The following SLC44A3 variants were observed in gnomAD, a reference collection of about 807,000 sequenced individuals.
The protein encoded by SLC44A3 is choline transporter-like protein 3.
SLC44A3 carries 74 observed loss-of-function variants against 75.4 expected under a neutral mutation model. That is an observed-to-expected ratio of 0.98 (90% CI 0.81 to 1.19). SLC44A3 has a LOEUF of 1.19. Ranked by LOEUF, SLC44A3 falls within the 50% of genes most tolerant of loss-of-function variation. The pLI is 0.00. For synonymous variants in SLC44A3, 310 were observed against 296.9 expected, an observed-to-expected ratio of 1.04 and a Z score of -0.45; for missense variants, 700 against 778.6, an observed-to-expected ratio of 0.90 and a Z score of 1.20.
chr1:94,869,600 T>C (rs561697620), intron 12 of SLC44A3, among the ~76,000 whole-genome samples: 1 of 152,232 alleles, frequency 6.6e-6, no homozygotes, highest in South Asian at 2.1e-4. Flanking sequence ...TTGATGTGAA[T>C]ATTAATGGAG....
At chr1:94,891,038 T>C in intron 12 of SLC44A3, 92 bp from the exon 13 acceptor site, 1 of 1,112,754 alleles carries the variant, frequency 9.0e-7, no homozygotes. Context: ...AGGTTTATTG[T>C]AACTCTAGTT....
At chr1:94,831,951 A>T (rs1245994502) in intron 5 of SLC44A3, among the ~76,000 whole-genome samples, 1 of 152,176 alleles carries the variant, frequency 6.6e-6, no homozygotes, top group Non-Finnish European at 1.5e-5. Context: ...AGGCGGGCAG[A>T]TCACCTGAGG....
At position 94,841,963 on chromosome 1, in the gene SLC44A3, C is replaced by A. The variant is rs373849711; in HGVS notation, c.761-37C>A. On this transcript the variant is annotated intron_variant, in intron 7 of 14. Transcript: ENST00000271227. ...GTGCTGGGGAAAGGTTACCTCATGG[C>A]GTGTGCCCTGAGCTCTGCTACTGTT... 9.4e-5 allele frequency: 149 copies of A among 1,577,478 alleles called. 1 individual carries two copies. The highest frequency in any genetic ancestry group is 1.5e-5 in the Non-Finnish European group (17 of 1,164,756).
In SLC44A3 at chr1:94,843,958, C is replaced by T. The variant is rs142316049; in HGVS notation, c.886-1320C>T. ...TAGAAGAAAGAGGCTGAGACTTGAGCTGTGGCATCAGCGGTGGAAACAGAG... is the reference window on the plus strand; with the variant it reads ...TAGAAGAAAGAGGCTGAGACTTGAGTTGTGGCATCAGCGGTGGAAACAGAG... On this transcript the variant is annotated intron_variant, in intron 8 of 14. Transcript: ENST00000271227. Among the ~76,000 whole-genome samples, 126 of 152,092 alleles carry T rather than the reference C, an allele frequency of 8.3e-4. 1 individual carries two copies. The highest frequency in any genetic ancestry group is 2.5e-3 in the African/African-American group (102 of 41,484).
At chr1:94,847,808 T>C (rs1320848854) in intron 9 of SLC44A3, among the ~76,000 whole-genome samples, 1 of 152,144 alleles carries the variant, frequency 6.6e-6, no homozygotes, top group East Asian at 1.9e-4. Context: ...GAGGAAGTCA[T>C]GTGCCGGAGG....
chr1:94,856,218 A>G (rs1225280904), intron 9 of SLC44A3, among the ~76,000 whole-genome samples: 1 of 152,206 alleles, frequency 6.6e-6, no homozygotes, highest in African/African-American at 2.4e-5. Flanking sequence ...CGATATGTCT[A>G]TGGGTTGGGC....
chr1:94,885,485 G>A (rs1669484810), intron 12 of SLC44A3, among the ~76,000 whole-genome samples: 1 of 152,170 alleles, frequency 6.6e-6, no homozygotes, highest in South Asian at 2.1e-4. Flanking sequence ...CTGGAATCCA[G>A]CCTCTTTCCA....
At chr1:94,827,060 A>G (rs933568608) in intron 3 of SLC44A3, among the ~76,000 whole-genome samples, 2 of 152,324 alleles carry the variant, frequency 1.3e-5, no homozygotes, top group Admixed American at 6.5e-5. Context: ...TTTGGTTCCC[A>G]GCCTTGGCCC....
In SLC44A3 at chr1:94,892,343, C is replaced by A; in HGVS notation, c.1683C>A (p.Phe561Leu). ...GLMAFNYNRA[F>L]QVWAVPLLLV... is the part of the protein sequence containing the mutation. ...TGGCTTTTAACTACAATCGGGCATT[C>A]CAGGTGTGGGCAGTCCCTCTGTTAT... Residue 561 changes from phenylalanine to leucine, a missense_variant, in exon 14 of 15, where the codon TTC (phenylalanine) becomes TTA (leucine). Coordinates refer to ENST00000271227, the MANE Select transcript of SLC44A3 (RefSeq NM_001114106.3). 4 of 1,614,202 alleles carry A rather than the reference C, an allele frequency of 2.5e-6. No homozygotes were observed. The highest frequency in any genetic ancestry group is 3.3e-4 in the Middle Eastern group (2 of 6,062).
intron 10 of SLC44A3, among the ~76,000 whole-genome samples, chr1:94,860,558 C>G (rs1343690922): frequency 1.3e-5 from 2 of 152,184 alleles, no homozygotes; most frequent in Admixed American, 1.3e-4. Context: ...GGCAAAGGAT[C>G]AAGGACCCAG....
intron 12 of SLC44A3, among the ~76,000 whole-genome samples, chr1:94,881,243 C>G (rs1005695842): frequency 7.2e-5 from 11 of 152,158 alleles, no homozygotes; most frequent in African/African-American, 2.7e-4. Context: ...TTCCTCACCC[C>G]TAGGCTCACC....
intron 9 of SLC44A3, among the ~76,000 whole-genome samples, chr1:94,848,994 G>C (rs1300929060): frequency 6.6e-6 from 1 of 152,088 alleles, no homozygotes; most frequent in Non-Finnish European, 1.5e-5. Context: ...CCAGGCCAGT[G>C]AAGTCAGAAA....
In SLC44A3 at chr1:94,880,909, A is replaced by AC. The variant is rs112736814; in HGVS notation, c.1483-10221_1483-10220insC. 1.8e-3 allele frequency among the ~76,000 whole-genome samples: 266 copies of AC among 151,576 alleles called. 2 individuals carry two copies. The highest frequency in any genetic ancestry group is 6.3e-3 in the African/African-American group (260 of 41,288). Reference sequence around the variant, plus strand: ...CTACATTTTTTTTTAATGACAAAAAAAAAAAAGGCAAAGAGCTGGTGTGGT... The same window carrying AC: ...CTACATTTTTTTTTAATGACAAAAAACAAAAAAGGCAAAGAGCTGGTGTGGT... On this transcript the variant is annotated intron_variant, in intron 12 of 14. Transcript: ENST00000271227.
chr1:94,846,449 A>G (rs1333747059), intron 9 of SLC44A3, among the ~76,000 whole-genome samples: 1 of 152,234 alleles, frequency 6.6e-6, no homozygotes, highest in Non-Finnish European at 1.5e-5. Context: ...TTCAGAGTGC[A>G]GTCTGAAGCC....
intron 6 of SLC44A3, chr1:94,838,836 T>C (rs887794922): frequency 2.0e-5 from 3 of 152,246 alleles, no homozygotes; most frequent in African/African-American, 7.2e-5. Context: ...ATATCTTATA[T>C]AATGACCTAA....
chr1:94,885,344 C>A (rs560989734), intron 12 of SLC44A3, among the ~76,000 whole-genome samples: 1 of 151,414 alleles, frequency 6.6e-6, no homozygotes, highest in South Asian at 2.1e-4. Context: ...TGACTGGCCA[C>A]GAAGCACAAA....
In SLC44A3 at chr1:94,842,067, A is replaced by G. The variant is rs1159569340; in HGVS notation, c.828A>G (p.Thr276=). 1.9e-6 allele frequency: 3 copies of G among 1,613,538 alleles called. No homozygotes were observed. Among genetic ancestry groups the G allele is most frequent in the South Asian group, 2.2e-5 (2 of 90,964 alleles). ...ACGACCTCAGCATAGAATTGGACAC[A>G]GAAAGGGAAAATATGAAGTGCGTGC... is the stretch of plus-strand genomic sequence containing the variant. The part of the protein sequence containing the change: ...YTNDLSIELD[T]ERENMKCVLG... Residue 276 remains threonine (T), a synonymous_variant, in exon 8 of 15, where the codon ACA becomes ACG. Transcript: ENST00000271227.
intron 14 of SLC44A3, 47 bp from the exon 15 acceptor site, chr1:94,894,771 C>T (rs371720672): frequency 1.3e-6 from 2 of 1,507,042 alleles, no homozygotes; most frequent in Admixed American, 1.8e-5. Flanking sequence ...ACGTTATCAA[C>T]AGTACAGACA....
intron 12 of SLC44A3, chr1:94,888,594 C>A: frequency 6.8e-6 from 6 of 880,580 alleles, no homozygotes; most frequent in Non-Finnish European, 6.8e-6. Context: ...GCAAATTTCA[C>A]GCACATTCTA....
Sources: allele counts gnomAD v4.1 joint callset (sites outside exome capture counted in the v4.1 genomes callset), GRCh38; gene constraint gnomAD v4.1.1; transcripts MANE v1.5; gene names NCBI Gene and HGNC (gene_info 2026-07-23, HGNC 2026-07-21).